Variants in SLC16A1 observed in about 807,000 individuals in gnomAD.
SLC16A1 encodes solute carrier family 16 member 1, also known as monocarboxylate transporter 1.
SLC16A1 carries 11 observed loss-of-function variants against 32.2 expected under a neutral mutation model. The ratio of observed to expected loss-of-function variants is 0.34; its 90% CI spans 0.21 to 0.56. The LOEUF is 0.56. SLC16A1 is among the 20% of genes least tolerant of loss of function. The pLI, the probability that SLC16A1 is intolerant of heterozygous loss-of-function variation, is 0.87. For missense variants in SLC16A1, 435 were observed against 615.0 expected, an observed-to-expected ratio of 0.71 and a Z score of 3.10; for synonymous variants, 231 against 226.8, an observed-to-expected ratio of 1.02 and a Z score of -0.17.
At chr1:112,928,307 T>G (rs2101632649) in intron 2 of SLC16A1, among the ~76,000 whole-genome samples, 1 of 152,334 alleles carries the variant, frequency 6.6e-6, no homozygotes, top group South Asian at 2.1e-4. Flanking sequence ...TCAAAAGGAT[T>G]ATAAACTTCT....
intron 1 of SLC16A1, among the ~76,000 whole-genome samples, chr1:112,944,723 C>T (rs907189449): frequency 1.3e-5 from 2 of 152,066 alleles, no homozygotes; most frequent in Non-Finnish European, 2.9e-5. Flanking sequence ...GACGGAGTCT[C>T]GCTCTGTCGC....
intron 2 of SLC16A1, among the ~76,000 whole-genome samples, chr1:112,928,023 A>T (rs1227564375): frequency 6.6e-6 from 1 of 152,160 alleles, no homozygotes; most frequent in Non-Finnish European, 1.5e-5. Context: ...CCCAAAGTCC[A>T]TTTTGATTTC....
rs1648764492 is a variant in SLC16A1, at chr1:112,922,279, CAT to C, written c.218-148_218-147del. The C allele has an allele frequency of 6.9e-6, 5 of 727,032 alleles. No individual in the cohort carries two copies. In the Admixed American group the frequency reaches 1.2e-4, roughly 18 times the overall value. The allele number at this position is 727,032 out of a possible 1,614,324, so 45.0% of individuals were successfully genotyped here. ...GTTTTCTATAATTACTTCTGAGTCA[CAT>C]GTGTACTAAAATAAAGATGTTAGAA... is the stretch of plus-strand genomic sequence containing the variant. On this transcript the variant is annotated intron_variant, in intron 2 of 4. Coordinates refer to ENST00000369626, the MANE Select transcript of SLC16A1 (RefSeq NM_003051.4).
chr1:112,913,848 CCTGGGTCATGAA>C lies in SLC16A1; in HGVS notation c.*31_*42del. 1 of 1,612,104 alleles carries C rather than the reference CCTGGGTCATGAA, an allele frequency of 6.2e-7. No individual in the cohort carries two copies. The highest frequency in any genetic ancestry group is 8.5e-7 in the Non-Finnish European group (1 of 1,178,264). On this transcript the variant is annotated 3_prime_UTR_variant, in exon 5 of 5. Transcript: ENST00000369626. ...AGGCCAGTAGAATATTTTCAGATAT[CCTGGGTCATGAA>C]CTGCTCAATTTACCCTTCAGCCCCA...
intron 1 of SLC16A1, among the ~76,000 whole-genome samples, chr1:112,947,469 AAAC>A (rs771177989): frequency 8.5e-5 from 13 of 152,106 alleles, no homozygotes; most frequent in Non-Finnish European, 1.5e-4. Context: ...AGAAAAAGAT[AAAC>A]AACAGAGAAA....
At chr1:112,939,110 C>G (rs1649414610) in intron 1 of SLC16A1, among the ~76,000 whole-genome samples, 1 of 151,628 alleles carries the variant, frequency 6.6e-6, no homozygotes, top group Admixed American at 6.6e-5. Context: ...CCAGGCTGGT[C>G]TCGAACTCCT....
At chr1:112,943,298 G>A (rs755380972) in intron 1 of SLC16A1, among the ~76,000 whole-genome samples, 4 of 152,046 alleles carry the variant, frequency 2.6e-5, no homozygotes, top group South Asian at 2.1e-4. Context: ...GCGTGCGCCC[G>A]GAGTCCCAGC....
rs149718516 is a variant in SLC16A1 at position 112,917,724 on chromosome 1, C to G, written c.682G>C (p.Asp228His). 1 of 1,614,046 alleles carries G rather than the reference C, an allele frequency of 6.2e-7. No individual in the cohort carries two copies. The highest frequency in any genetic ancestry group is 1.3e-5 in the African/African-American group (1 of 74,936). ...GKSGVKKDLH[D>H]ANTDLIGRHP... is the part of the protein sequence containing the mutation. ...CTTCCAATAAGATCTGTATTTGCATCATGCAGATCTTTTTTCACACCAGAT... is the reference window on the plus strand; with the variant it reads ...CTTCCAATAAGATCTGTATTTGCATGATGCAGATCTTTTTTCACACCAGAT... Residue 228 changes from aspartate (D) to histidine (H), a missense_variant, in exon 4 of 5, where the codon GAT becomes CAT. Physicochemically the swap from Asp to His is moderately conservative, Grantham distance 81. Around this residue, in one of 2 missense-constraint regions of SLC16A1, gnomAD observed 324 missense variants for 500.3 expected, o/e 0.65. Transcript: ENST00000369626. This position sits in a 1 kb window ranked among gnomAD's most constrained non-coding sequence, Gnocchi z 4.1.
In SLC16A1 at chr1:112,918,077, T is replaced by G. The variant is rs201699455; in HGVS notation, c.362-33A>C. 5.0e-3 allele frequency: 5,509 copies of G among 1,092,876 alleles called. 701 individuals carry two copies. In the East Asian group the frequency reaches 0.074, roughly 15 times the overall value. The allele number at this position is 1,092,876 out of a possible 1,614,324, so 67.7% of individuals were successfully genotyped here. A position where few individuals can be genotyped will look rare whatever the true frequency, so the allele number is the denominator to read the frequency against. On this transcript the variant is annotated intron_variant, in intron 3 of 4. Coordinates refer to ENST00000369626, the MANE Select transcript of SLC16A1 (RefSeq NM_003051.4). ...GACAATAAATAAATAAATAAATAAATAAATAAATAAATAAATAAATAAATA... is the reference window on the plus strand; with the variant it reads ...GACAATAAATAAATAAATAAATAAAGAAATAAATAAATAAATAAATAAATA...
chr1:112,913,114 A>C lies in SLC16A1; in HGVS notation c.*777T>G, dbSNP rs1648380561. 6.6e-6 allele frequency: 1 copy of C among 152,244 alleles called. No individual in the cohort carries two copies. The highest frequency in any genetic ancestry group is 1.5e-5 in the Non-Finnish European group (1 of 68,042). The allele number at this position is 152,244 out of a possible 1,614,324, so 9.4% of individuals were successfully genotyped here. ...AAAAATAATACCAGGTGATTTCAAA[A>C]AGGGCAGTGATCTATAAACACTCAA... is the stretch of plus-strand genomic sequence containing the variant. On this transcript the variant is annotated 3_prime_UTR_variant, in exon 5 of 5. Coordinates refer to ENST00000369626, the MANE Select transcript of SLC16A1 (RefSeq NM_003051.4).
rs751195890 is a variant in SLC16A1, at chr1:112,914,209, CA to C, written c.1229-45del. The C allele has an allele frequency of 2.7e-5, 43 of 1,610,252 alleles. No homozygotes were observed. In the Admixed American group the frequency reaches 5.7e-4, roughly 21 times the overall value. On this transcript the variant is annotated intron_variant, in intron 4 of 4. Coordinates refer to ENST00000369626, the MANE Select transcript of SLC16A1 (RefSeq NM_003051.4). ...ACAAACAGTTGTTTCTAAGAGTAAA[CA>C]GTTTTTTTTTCCCCCAAGCAAAGCT...
chr1:112,924,128 C>G, intron 2 of SLC16A1: 1 of 1,409,206 alleles, frequency 7.1e-7, no homozygotes, highest in Non-Finnish European at 1.0e-6. Context: ...GCGCCAGCGC[C>G]CCCAGCATGA....
chr1:112,954,435 G>T (rs544459870), intron 1 of SLC16A1, among the ~76,000 whole-genome samples: 3 of 152,274 alleles, frequency 2.0e-5, no homozygotes, highest in Admixed American at 2.0e-4. Context: ...GTTTCCTTAT[G>T]TGTAAAACAA....
chr1:112,951,205 A>G (rs1649878349), intron 1 of SLC16A1, among the ~76,000 whole-genome samples: 2 of 152,128 alleles, frequency 1.3e-5, no homozygotes, highest in South Asian at 4.1e-4. Context: ...AGAGAAAAAT[A>G]TATAAACTAG....
chr1:112,954,849 G>A (rs990740024), intron 1 of SLC16A1, among the ~76,000 whole-genome samples: 1 of 152,170 alleles, frequency 6.6e-6, no homozygotes, highest in African/African-American at 2.4e-5. Flanking sequence ...ATGGCAATCT[G>A]AAGGCAAAGT....
At chr1:112,920,516 G>A (rs1648684570) in intron 3 of SLC16A1, among the ~76,000 whole-genome samples, 3 of 152,186 alleles carry the variant, frequency 2.0e-5, no homozygotes, top group Non-Finnish European at 4.4e-5. Context: ...TGCGGCAGGA[G>A]AATCGCTTGA....
At chr1:112,924,422 C>CTCAGTAA in intron 2 of SLC16A1, 1 of 986,354 alleles carries the variant, frequency 1.0e-6, no homozygotes, top group Non-Finnish European at 1.6e-6. Flanking sequence ...TTAGAAGTGC[C>CTCAGTAA]TCAGTAAATT....
At chr1:112,922,756 TAG>T (rs1648783439) in intron 2 of SLC16A1, among the ~76,000 whole-genome samples, 1 of 151,756 alleles carries the variant, frequency 6.6e-6, no homozygotes, top group East Asian at 2.0e-4. Flanking sequence ...GCCTGGGCAA[TAG>T]AGTGAGACTC....
At chr1:112,921,216 A>AT (rs972380669) in intron 3 of SLC16A1, among the ~76,000 whole-genome samples, 6 of 152,080 alleles carry the variant, frequency 3.9e-5, no homozygotes, top group African/African-American at 1.4e-4. Context: ...ACTGGCAATT[A>AT]TTTTTTTAAA....
Sources: allele counts gnomAD v4.1 joint callset (sites outside exome capture counted in the v4.1 genomes callset), GRCh38; gene constraint gnomAD v4.1.1; regional missense constraint gnomAD v4.1.1; non-coding constraint Gnocchi (gnomAD v3.1); transcripts MANE v1.5; gene names NCBI Gene and HGNC (gene_info 2026-07-23, HGNC 2026-07-21).